ANKRD36C: variants seen among roughly 807,000 people sequenced by gnomAD.
ANKRD36C encodes ankyrin repeat domain 36C.
Under a neutral mutation model 276.4 loss-of-function variants are expected in ANKRD36C, and 61 were observed. The observed-to-expected ratio is 0.22, with a 90% CI of 0.18 to 0.27. The LOEUF is 0.27. Ranked by LOEUF, ANKRD36C falls within the 10% of genes least tolerant of loss-of-function variation. The probability of loss-of-function intolerance (pLI) is 1.00; values close to 1 mark genes in which losing one functional copy is unlikely to be tolerated. For synonymous variants in ANKRD36C, 483 were observed against 680.1 expected (o/e 0.71, Z 4.51); for missense variants, 1,447 against 2,032.3 (o/e 0.71, Z 5.54).
chr2:95,887,281 T>C (rs1676223032), intron 50 of ANKRD36C, among the ~76,000 whole-genome samples: 1 of 151,516 alleles, frequency 6.6e-6, no homozygotes, highest in African/African-American at 2.4e-5. Flanking sequence ...AATTAGTAAA[T>C]GAAGTTTATC....
exon 56 of ANKRD36C, chr2:95,882,310 G>A (rs1324945492): frequency 6.4e-7 from 1 of 1,550,926 alleles, no homozygotes; most frequent in South Asian, 1.2e-5. Context: ...ACCTGTTCCA[G>A]ATTTCCAACC....
rs997955881 is a variant in ANKRD36C at position 95,947,073 on chromosome 2, C to T, written c.1362+1457G>A. Among the ~76,000 whole-genome samples the T allele has an allele frequency of 1.3e-4, 20 of 151,640 alleles. No individual in the cohort carries two copies. In the South Asian group the frequency reaches 1.5e-3, roughly 11 times the overall value. The stretch of plus-strand genomic sequence containing the variant: ...AAAATAAAAAAAGAGTAATGTATGT[C>T]CTGAAAAATATGTATTTAATAGAAC... On this transcript the variant is annotated intron_variant, in intron 17 of 66. Transcript: ENST00000456556.
At chr2:95,978,641 C>T (rs1343327813) in intron 5 of ANKRD36C, among the ~76,000 whole-genome samples, 2 of 152,020 alleles carry the variant, frequency 1.3e-5, no homozygotes, top group East Asian at 1.9e-4. Flanking sequence ...TGAACTTTAT[C>T]GCTGAAACTA....
At chr2:95,862,675 T>A (rs1179645913) in intron 60 of ANKRD36C, among the ~76,000 whole-genome samples, 2 of 151,332 alleles carry the variant, frequency 1.3e-5, no homozygotes, top group African/African-American at 2.4e-5. Context: ...ATAATAAACA[T>A]CTGCTGTGGT....
At chr2:95,887,957 G>A (rs1322889998) in exon 50 of ANKRD36C, 3 of 1,599,026 alleles carry the variant, frequency 1.9e-6, no homozygotes, top group African/African-American at 2.7e-5. Flanking sequence ...CTTTATTTCT[G>A]TGGGTATATT....
chr2:95,971,207 A>G (rs1411915809), intron 6 of ANKRD36C, among the ~76,000 whole-genome samples: 3 of 152,012 alleles, frequency 2.0e-5, no homozygotes, highest in Non-Finnish European at 4.4e-5. Context: ...AGGAATAAAA[A>G]AAGAGAGACA....
intron 26 of ANKRD36C, among the ~76,000 whole-genome samples, chr2:95,928,732 T>C (rs1677479237): frequency 6.6e-6 from 1 of 151,474 alleles, no homozygotes; most frequent in Non-Finnish European, 1.5e-5. Flanking sequence ...ATGCCTATAA[T>C]ATCTATTACT....
Position 95,920,025 on chromosome 2 carries a change from G to C in ANKRD36C, c.2245+1582C>G, listed in dbSNP as rs572688563. On this transcript the variant is annotated intron_variant, in intron 34 of 66. Transcript: ENST00000456556. Reference sequence around the variant, plus strand: ...AAGCTGTATCCTTCTGCCTGTACTAGTGTAGGCTCTGATGTCTTCTACTTT... The same window carrying C: ...AAGCTGTATCCTTCTGCCTGTACTACTGTAGGCTCTGATGTCTTCTACTTT... 2.6e-4 allele frequency: 333 copies of C among 1,297,474 alleles called. 31 individuals carry two copies. In the Middle Eastern group the frequency reaches 3.3e-3, roughly 13 times the overall value. The allele number at this position is 1,297,474 out of a possible 1,614,324, so 80.4% of individuals were successfully genotyped here.
chr2:95,859,846 A>C lies in ANKRD36C; in HGVS notation c.3896+15T>G, dbSNP rs769426018. Reference sequence around the variant, plus strand: ...AAACAAACAGTTCAAACATTTATTTAAAACTAGGTCATACCTCAAACTACA... The same window carrying C: ...AAACAAACAGTTCAAACATTTATTTCAAACTAGGTCATACCTCAAACTACA... On this transcript the variant is annotated intron_variant, in intron 61 of 66. Coordinates refer to ENST00000456556, the Ensembl canonical transcript of ANKRD36C. 32 of 1,547,936 alleles carry C rather than the reference A, an allele frequency of 2.1e-5. No individual in the cohort carries two copies. The highest frequency in any genetic ancestry group is 3.5e-6 in the Non-Finnish European group (4 of 1,145,820).
At chr2:95,967,648 GGT>G (rs751581051) in intron 6 of ANKRD36C, among the ~76,000 whole-genome samples, 1 of 151,240 alleles carries the variant, frequency 6.6e-6, no homozygotes, top group East Asian at 1.9e-4. Flanking sequence ...GCATATACTC[GGT>G]GTGTGTGTGT....
intron 22 of ANKRD36C, among the ~76,000 whole-genome samples, chr2:95,938,183 TA>T (rs540850006): frequency 1.3e-3 from 192 of 152,334 alleles, no homozygotes; most frequent in African/African-American, 4.4e-3. Flanking sequence ...TGCAGTGACT[TA>T]AAAGTAAAAA....
chr2:95,850,896 G>A (rs544686057), downstream of ANKRD36C, among the ~76,000 whole-genome samples: 97 of 152,250 alleles, frequency 6.4e-4, no homozygotes, highest in Non-Finnish European at 6.5e-4. Flanking sequence ...TATAGGGGTG[G>A]CAGAAGAAAA....
intron 44 of ANKRD36C, 93 bp from the exon 65 acceptor site, chr2:95,891,953 C>T (rs1198449603): frequency 5.2e-6 from 8 of 1,536,092 alleles, no homozygotes; most frequent in Middle Eastern, 2.3e-4. Flanking sequence ...CTCTGTCCTC[C>T]TGCCTGTATT....
At chr2:95,855,619 C>T (rs771174258) in exon 63 of ANKRD36C, 3 of 1,610,600 alleles carry the variant, frequency 1.9e-6, no homozygotes, top group South Asian at 2.2e-5. Flanking sequence ...TCACTTTGCA[C>T]GTGTTCAAAA....
chr2:95,878,884 T>G (rs898950070), intron 58 of ANKRD36C, among the ~76,000 whole-genome samples: 20 of 152,118 alleles, frequency 1.3e-4, no homozygotes, highest in African/African-American at 4.3e-4. Flanking sequence ...GTACAGCCAC[T>G]ATGGAGAACA....
chr2:95,902,844 T>C, intron 42 of ANKRD36C, 42 bp downstream of exon 54: 1 of 1,525,422 alleles, frequency 6.6e-7, no homozygotes, highest in East Asian at 2.4e-5. Flanking sequence ...ATTTCTTATC[T>C]ATCTGGACTG....
intron 28 of ANKRD36C, among the ~76,000 whole-genome samples, chr2:95,926,825 T>C (rs1677414945): frequency 6.6e-6 from 1 of 151,756 alleles, no homozygotes; most frequent in South Asian, 2.1e-4. Context: ...TTCTACAGTG[T>C]TTATGGGCTA....
chr2:95,924,391 C>T (rs533585172), intron 30 of ANKRD36C, among the ~76,000 whole-genome samples: 1 of 151,586 alleles, frequency 6.6e-6, no homozygotes, highest in African/African-American at 2.4e-5. Flanking sequence ...ATAAATTACA[C>T]ATATTTATAC....
rs1397037891 is a variant in ANKRD36C, at chr2:95,931,601, C to G, written c.1736-2334G>C. Among the ~76,000 whole-genome samples, 3 of 149,156 alleles carry G rather than the reference C, an allele frequency of 2.0e-5. No individual in the cohort carries two copies. In the Admixed American group the frequency reaches 2.0e-4, roughly 10 times the overall value. Reference sequence around the variant, plus strand: ...AAACTTCTTTAACTACAATGACAGTCTCTCCTTGATGCACCAAAATCTTCA... The same window carrying G: ...AAACTTCTTTAACTACAATGACAGTGTCTCCTTGATGCACCAAAATCTTCA... On this transcript the variant is annotated intron_variant, in intron 24 of 66. Transcript: ENST00000456556.
Sources: allele counts gnomAD v4.1 joint callset (sites outside exome capture counted in the v4.1 genomes callset), GRCh38; gene constraint gnomAD v4.1.1; transcripts MANE v1.5; gene names NCBI Gene and HGNC (gene_info 2026-07-23, HGNC 2026-07-21).